The following MINDY4B variants were observed in gnomAD, a reference collection of about 807,000 sequenced individuals.
MINDY4B encodes inactive ubiquitin carboxyl-terminal hydrolase MINDY-4B.
A neutral mutation model predicts 16.7 loss-of-function variants in MINDY4B; 25 were observed. The ratio of observed to expected loss-of-function variants is 1.49; its 90% CI spans 1.09 to 2.09. The LOEUF (loss-of-function observed/expected upper bound fraction) is 2.09, where lower values mean the gene tolerates loss of function less well. Among genes scored for constraint, MINDY4B ranks in the 30% most tolerant of loss-of-function variants. The pLI, the probability that MINDY4B is intolerant of heterozygous loss-of-function variation, is 0.00. For synonymous variants in MINDY4B, 132 were observed against 61.9 expected, an observed-to-expected ratio of 2.13 and a Z score of -5.32; for missense variants, 327 against 168.4, an observed-to-expected ratio of 1.94 and a Z score of -5.21.
chr3:150,879,204 C>A (rs71306529), intron 10 of MINDY4B, among the ~76,000 whole-genome samples: 2 of 152,128 alleles, frequency 1.3e-5, no homozygotes, highest in Non-Finnish European at 1.5e-5. Flanking sequence ...ATTCTGCACA[C>A]CATGGATTTA....
intron 10 of MINDY4B, among the ~76,000 whole-genome samples, chr3:150,880,220 C>A (rs1428037635): frequency 6.6e-6 from 1 of 152,220 alleles, no homozygotes; most frequent in Non-Finnish European, 1.5e-5. Context: ...CATGGTAAGG[C>A]CTCCAGCCAA....
chr3:150,894,738 C>T (rs764915622), intron 3 of MINDY4B, among the ~76,000 whole-genome samples: 8 of 152,058 alleles, frequency 5.3e-5, no homozygotes, highest in Non-Finnish European at 1.0e-4. Context: ...CTCTGCAGCA[C>T]GTTGAGATTC....
chr3:150,904,859 G>T (rs1712202029), intron 2 of MINDY4B, among the ~76,000 whole-genome samples: 1 of 152,076 alleles, frequency 6.6e-6, no homozygotes, highest in Admixed American at 6.6e-5. Context: ...TACAAACATA[G>T]CTCTTAGAAG....
chr3:150,880,432 G>A (rs1711513465), intron 10 of MINDY4B, among the ~76,000 whole-genome samples: 1 of 152,208 alleles, frequency 6.6e-6, no homozygotes, highest in African/African-American at 2.4e-5. Flanking sequence ...AGGAGAAGAA[G>A]TGGATGGCAC....
chr3:150,898,189 C>T lies in MINDY4B; in HGVS notation c.310-3884G>A, dbSNP rs546747850. Among the ~76,000 whole-genome samples the T allele has an allele frequency of 2.6e-5, 4 of 152,310 alleles. No homozygotes were observed. The South Asian group carries it at 8.3e-4, about 32-fold the overall frequency. Reference sequence around the variant, plus strand: ...TTACCTTTGTGAAAACACAGCCTGTCTATGCAGGAACATCTTGTGCCGTAT... The same window carrying T: ...TTACCTTTGTGAAAACACAGCCTGTTTATGCAGGAACATCTTGTGCCGTAT... On this transcript the variant is annotated intron_variant, in intron 3 of 11. Transcript: ENST00000465419.
At chr3:150,888,382 T>C (rs1463047668) in intron 7 of MINDY4B, among the ~76,000 whole-genome samples, 1 of 152,162 alleles carries the variant, frequency 6.6e-6, no homozygotes, top group Non-Finnish European at 1.5e-5. Flanking sequence ...ATAAGATCCA[T>C]ATTCACAGGT....
At chr3:150,885,173 T>G (rs185768159) in intron 8 of MINDY4B, among the ~76,000 whole-genome samples, 195 bp downstream of exon 8, 1 of 152,326 alleles carries the variant, frequency 6.6e-6, no homozygotes, top group Admixed American at 6.5e-5. Flanking sequence ...AGATTCAAAC[T>G]TGACTGACGA....
At chr3:150,876,816 T>C (rs1352522062) in intron 10 of MINDY4B, among the ~76,000 whole-genome samples, 1 of 152,096 alleles carries the variant, frequency 6.6e-6, no homozygotes, top group Non-Finnish European at 1.5e-5. Context: ...CAGTGGCAGG[T>C]GTGAAGATAA....
chr3:150,883,583 T>G, intron 9 of MINDY4B, 117 bp downstream of exon 9: 1 of 640,586 alleles, frequency 1.6e-6, no homozygotes, highest in South Asian at 1.8e-5. Flanking sequence ...GAGAATATAT[T>G]TAATTAGAAA....
chr3:150,889,404 C>A (rs1322694527), intron 7 of MINDY4B, among the ~76,000 whole-genome samples: 5 of 152,238 alleles, frequency 3.3e-5, no homozygotes, highest in Non-Finnish European at 7.3e-5. Context: ...CTGACTTCCT[C>A]TTTTGCTTCC....
intron 11 of MINDY4B, among the ~76,000 whole-genome samples, chr3:150,871,470 C>G (rs2107892115): frequency 6.6e-6 from 1 of 151,878 alleles, no homozygotes; most frequent in South Asian, 2.1e-4. Context: ...TTGTGCATAA[C>G]TGTTGATAAG....
In MINDY4B at chr3:150,871,890, A is replaced by G. The variant is rs147711224; in HGVS notation, c.1241-703T>C. Among the ~76,000 whole-genome samples, 37 of 152,330 alleles carry G rather than the reference A, an allele frequency of 2.4e-4. No individual in the cohort carries two copies. The East Asian group carries it at 6.8e-3, about 28-fold the overall frequency. Reference sequence around the variant, plus strand: ...CCCACTTCTCCATGCTTCTCAGAATACATTTGCATTTTTGGATGGAGGGCA... The same window carrying G: ...CCCACTTCTCCATGCTTCTCAGAATGCATTTGCATTTTTGGATGGAGGGCA... On this transcript the variant is annotated intron_variant, in intron 11 of 11. Transcript: ENST00000465419.
intron 5 of MINDY4B, among the ~76,000 whole-genome samples, chr3:150,892,229 G>C (rs1273516308): frequency 6.6e-6 from 1 of 152,166 alleles, no homozygotes; most frequent in East Asian, 1.9e-4. Flanking sequence ...TCTGAAGATG[G>C]GGCAGGCTCC....
chr3:150,876,676 AG>A (rs1362299410), intron 10 of MINDY4B, among the ~76,000 whole-genome samples: 3 of 152,150 alleles, frequency 2.0e-5, no homozygotes, highest in Admixed American at 1.3e-4. Context: ...GACTCTCTAA[AG>A]GGAAAACGTA....
intron 2 of MINDY4B, among the ~76,000 whole-genome samples, chr3:150,903,667 C>T (rs1462765637): frequency 6.6e-6 from 1 of 152,116 alleles, no homozygotes; most frequent in East Asian, 1.9e-4. Context: ...ATAATTAATG[C>T]CATCAAGACC....
At chr3:150,874,848 G>C (rs1204774809) in intron 10 of MINDY4B, among the ~76,000 whole-genome samples, 1 of 152,206 alleles carries the variant, frequency 6.6e-6, no homozygotes, top group Non-Finnish European at 1.5e-5. Context: ...TTCTTCAGCT[G>C]TGGGTGAGTG....
chr3:150,876,938 G>A (rs1375532109), intron 10 of MINDY4B, among the ~76,000 whole-genome samples: 4 of 152,168 alleles, frequency 2.6e-5, no homozygotes, highest in Admixed American at 2.6e-4. Context: ...AAAAGTGACA[G>A]GGAGGCTTCA....
intron 10 of MINDY4B, 65 bp from the exon 11 acceptor site, chr3:150,873,432 A>G: frequency 1.5e-6 from 1 of 664,310 alleles, no homozygotes; most frequent in Non-Finnish European, 2.7e-6. Context: ...ACATGCCGAT[A>G]CATGATCGCG....
chr3:150,905,077 A>G lies in MINDY4B; in HGVS notation c.126T>C (p.Asn42=). The change falls in exon 2 of 12, where the codon AAT becomes AAC. Residue 42 remains asparagine, a synonymous_variant. Coordinates refer to ENST00000465419, the MANE Select transcript of MINDY4B (RefSeq NM_001351281.2). ...EIFSYHRLGT[N]NSTPQNHEGN... ...AAGTAATTACCTGAGGAGTTGAATT[A>G]TTGGTTCCCAACCTTTAAATGAAAG... 1 of 398,568 alleles carries G rather than the reference A, an allele frequency of 2.5e-6. No homozygotes were observed. Among genetic ancestry groups the G allele is most frequent in the East Asian group, 3.6e-5 (1 of 28,068 alleles). The allele number at this position is 398,568 out of a possible 1,614,324, so 24.7% of individuals were successfully genotyped here. A position where few individuals can be genotyped will look rare whatever the true frequency, so the allele number is the denominator to read the frequency against.
Sources: gnomAD v4.1 joint callset for allele counts (sites outside exome capture counted in the v4.1 genomes callset) on GRCh38, gnomAD v4.1.1 for gene constraint, MANE v1.5 for transcripts, NCBI Gene and HGNC (gene_info 2026-07-23, HGNC 2026-07-21) for gene names.